ADAMTSL1: variants seen among roughly 807,000 people sequenced by gnomAD.
The protein encoded by ADAMTSL1 is ADAMTS-like protein 1.
In ADAMTSL1, 126 loss-of-function variants were observed where a neutral mutation model predicts 201.8. The observed-to-expected ratio is 0.62, with a 90% confidence interval of 0.54 to 0.72. The LOEUF is 0.72. Ranked by LOEUF, ADAMTSL1 falls within the 30% of genes least tolerant of loss-of-function variation. ADAMTSL1 has a pLI of 0.00. For missense variants in ADAMTSL1, 2,679 were observed against 2,277.8 expected (o/e 1.18, Z -3.59); for synonymous variants, 1,121 against 903.4 (o/e 1.24, Z -4.32).
intron 1 of ADAMTSL1, among the ~76,000 whole-genome samples, chr9:17,995,923 A>G (rs531416473): frequency 1.3e-5 from 2 of 152,008 alleles, no homozygotes; most frequent in South Asian, 4.2e-4. Context: ...CATCTCTAAA[A>G]TGACACAGTC....
At chr9:18,536,307 G>A (rs951251015) in intron 3 of ADAMTSL1, among the ~76,000 whole-genome samples, 1 of 151,930 alleles carries the variant, frequency 6.6e-6, no homozygotes. Flanking sequence ...AGCTTCCTTG[G>A]GGCACTTCTG....
intron 1 of ADAMTSL1, among the ~76,000 whole-genome samples, chr9:18,107,167 G>A (rs1324365951): frequency 1.3e-5 from 2 of 152,290 alleles, no homozygotes; most frequent in African/African-American, 4.8e-5. Context: ...ATAGTGGGCT[G>A]CATTAGATAT....
intron 2 of ADAMTSL1, among the ~76,000 whole-genome samples, chr9:18,352,230 C>A (rs1835999404): frequency 6.6e-6 from 1 of 152,098 alleles, no homozygotes; most frequent in Non-Finnish European, 1.5e-5. Context: ...AATCTCTTAA[C>A]ATTGTAAGAA....
intron 1 of ADAMTSL1, among the ~76,000 whole-genome samples, chr9:18,159,754 C>T (rs1827306103): frequency 6.6e-6 from 1 of 151,918 alleles, no homozygotes; most frequent in Non-Finnish European, 1.5e-5. Context: ...TTCTCTAGAG[C>T]CACTGAAAGT....
At chr9:18,241,945 A>T (rs530215278) in intron 2 of ADAMTSL1, among the ~76,000 whole-genome samples, 1 of 152,196 alleles carries the variant, frequency 6.6e-6, no homozygotes, top group East Asian at 1.9e-4. Flanking sequence ...TCTAAGAAAA[A>T]TTAATACCAA....
chr9:18,163,461 G>A (rs1177358378), intron 1 of ADAMTSL1, among the ~76,000 whole-genome samples: 2 of 151,950 alleles, frequency 1.3e-5, no homozygotes, highest in Non-Finnish European at 2.9e-5. Context: ...CTGGACATGG[G>A]GACCCATCTA....
chr9:18,218,322 G>A (rs1241661839), intron 2 of ADAMTSL1, among the ~76,000 whole-genome samples: 1 of 152,152 alleles, frequency 6.6e-6, no homozygotes, highest in African/African-American at 2.4e-5. Flanking sequence ...ACCACTGAGT[G>A]AGGCATTTCA....
At chr9:18,102,193 T>C (rs1334854193) in intron 1 of ADAMTSL1, among the ~76,000 whole-genome samples, 1 of 152,228 alleles carries the variant, frequency 6.6e-6, no homozygotes, top group African/African-American at 2.4e-5. Context: ...AAGCTGATCT[T>C]TTCATACATT....
At chr9:18,807,367 G>C (rs1342027278) in intron 20 of ADAMTSL1, among the ~76,000 whole-genome samples, 1 of 152,186 alleles carries the variant, frequency 6.6e-6, no homozygotes, top group Non-Finnish European at 1.5e-5. Flanking sequence ...AGTACAGGCC[G>C]GGCGCGGTAG....
intron 1 of ADAMTSL1, among the ~76,000 whole-genome samples, chr9:17,996,955 C>G (rs1164178707): frequency 1.3e-5 from 2 of 152,158 alleles, no homozygotes; most frequent in Admixed American, 1.3e-4. Context: ...GAGATAACAG[C>G]TTAGGTTGCT....
chr9:18,032,990 C>T (rs894121400), intron 1 of ADAMTSL1, among the ~76,000 whole-genome samples: 38 of 152,236 alleles, frequency 2.5e-4, no homozygotes, highest in Admixed American at 1.8e-3. Flanking sequence ...GAAATGTAAT[C>T]GTTTACTTGA....
At chr9:18,329,134 A>G (rs1004279211) in intron 2 of ADAMTSL1, among the ~76,000 whole-genome samples, 4 of 152,106 alleles carry the variant, frequency 2.6e-5, no homozygotes, top group African/African-American at 4.8e-5. Context: ...GTGCCCTTAT[A>G]AAAGAGACCA....
At chr9:18,587,285 GT>G (rs1182173406) in intron 4 of ADAMTSL1, among the ~76,000 whole-genome samples, 1 of 152,054 alleles carries the variant, frequency 6.6e-6, no homozygotes, top group Admixed American at 6.6e-5. Flanking sequence ...CCATTAAAAA[GT>G]GAGTAAAGGG....
chr9:18,480,601 T>C (rs1821674971), intron 1 of ADAMTSL1, among the ~76,000 whole-genome samples: 1 of 152,236 alleles, frequency 6.6e-6, no homozygotes, highest in South Asian at 2.1e-4. Context: ...GTGTTGTTTG[T>C]TATGCTGAAA....
At chr9:18,654,218 G>C (rs916981627) in intron 7 of ADAMTSL1, among the ~76,000 whole-genome samples, 1 of 152,190 alleles carries the variant, frequency 6.6e-6, no homozygotes, top group Non-Finnish European at 1.5e-5. Flanking sequence ...GACAGAGTGA[G>C]ACTCCATCTC....
At chr9:18,787,490 G>C (rs1378655597) in intron 19 of ADAMTSL1, among the ~76,000 whole-genome samples, 1 of 152,062 alleles carries the variant, frequency 6.6e-6, no homozygotes, top group Non-Finnish European at 1.5e-5. Flanking sequence ...TGGAAGAGTG[G>C]TCCTAGCACA....
intron 1 of ADAMTSL1, among the ~76,000 whole-genome samples, chr9:17,977,728 C>T (rs987240286): frequency 6.6e-6 from 1 of 151,986 alleles, no homozygotes; most frequent in African/African-American, 2.4e-5. Context: ...ACAATCTATT[C>T]TGCAGAAGGT....
chr9:18,575,151 T>C (rs940966137), intron 4 of ADAMTSL1, among the ~76,000 whole-genome samples: 1 of 152,212 alleles, frequency 6.6e-6, no homozygotes, highest in African/African-American at 2.4e-5. Flanking sequence ...ATATATGTTT[T>C]AGTAATTTGT....
intron 1 of ADAMTSL1, among the ~76,000 whole-genome samples, chr9:18,026,089 T>G (rs1381036459): frequency 2.6e-5 from 4 of 152,036 alleles, no homozygotes; most frequent in Non-Finnish European, 5.9e-5. Context: ...GAAGTCATTA[T>G]TAGTTCCAGG....
Sources: gnomAD v4.1 joint callset for allele counts (sites outside exome capture counted in the v4.1 genomes callset) on GRCh38, gnomAD v4.1.1 for gene constraint, MANE v1.5 for transcripts, NCBI Gene and HGNC (gene_info 2026-07-23, HGNC 2026-07-21) for gene names.